The following MEI4 variants were observed in gnomAD, a reference collection of about 807,000 sequenced individuals.
MEI4 encodes meiotic double-stranded break formation protein 4.
Under a neutral mutation model 31.4 loss-of-function variants are expected in MEI4, and 27 were observed. The ratio of observed to expected loss-of-function variants is 0.86; its 90% CI spans 0.63 to 1.19. The LOEUF (loss-of-function observed/expected upper bound fraction) is 1.19, where lower values mean the gene tolerates loss of function less well. Ranked by LOEUF, MEI4 falls within the 50% of genes most tolerant of loss-of-function variation. MEI4 has a pLI of 0.00. For missense variants in MEI4, 329 were observed against 398.9 expected (o/e 0.82, Z 1.49); for synonymous variants, 122 against 145.4 (o/e 0.84, Z 1.16).
At chr6:77,860,875 A>G (rs1053395675) in intron 4 of MEI4, among the ~76,000 whole-genome samples, 1 of 151,938 alleles carries the variant, frequency 6.6e-6, no homozygotes, top group Admixed American at 6.6e-5. Flanking sequence ...CTCTTCTTCT[A>G]TTTCTTGAAC....
chr6:77,745,356 A>G (rs1270722221), intron 2 of MEI4, among the ~76,000 whole-genome samples: 1 of 152,198 alleles, frequency 6.6e-6, no homozygotes, highest in African/African-American at 2.4e-5. Flanking sequence ...ACCAACAAAG[A>G]TCAAAAGACA....
intron 4 of MEI4, among the ~76,000 whole-genome samples, chr6:77,868,502 C>CATATAT (rs58946198): frequency 0.035 from 3,171 of 90,000 alleles, 271 homozygotes; most frequent in Non-Finnish European, 0.05. Flanking sequence ...AAAAATACTA[C>CATATAT]ATATATATAT....
intron 4 of MEI4, among the ~76,000 whole-genome samples, chr6:77,902,767 G>T (rs1766211024): frequency 6.6e-6 from 1 of 152,082 alleles, no homozygotes; most frequent in African/African-American, 2.4e-5. Flanking sequence ...ATCTACCTAT[G>T]ACATGGAAAG....
intron 4 of MEI4, among the ~76,000 whole-genome samples, chr6:77,904,224 T>C (rs1211406968): frequency 6.6e-6 from 1 of 152,174 alleles, no homozygotes; most frequent in Admixed American, 6.6e-5. Context: ...TTTTGCTTTG[T>C]GGTTACCATA....
intron 4 of MEI4, among the ~76,000 whole-genome samples, chr6:77,846,111 A>G (rs1311341177): frequency 6.6e-6 from 1 of 151,344 alleles, no homozygotes; most frequent in Non-Finnish European, 1.5e-5. Flanking sequence ...ATGAATTTCA[A>G]TTTTGTTTTT....
rs80087300 is a variant in MEI4 at position 77,686,036 on chromosome 6, G to C, written c.-14-4622G>C. Among the ~76,000 whole-genome samples, 1,472 of 152,080 alleles carry C rather than the reference G, an allele frequency of 9.7e-3. 37 individuals are homozygous for C. Among genetic ancestry groups the C allele is most frequent in the African/African-American group, 0.034 (1,391 of 41,478 alleles). On this transcript the variant is annotated intron_variant, in intron 1 of 4. Transcript: ENST00000684080. ...GTGGTAACCATTTCACTTGAGATCT[G>C]GTTGTGAAAAAGAGTCTGGGACCTC...
intron 2 of MEI4, among the ~76,000 whole-genome samples, chr6:77,732,367 G>T (rs1280430151): frequency 6.6e-6 from 1 of 151,886 alleles, no homozygotes; most frequent in African/African-American, 2.4e-5. Context: ...TGGATTCCTA[G>T]GTATTTTATT....
chr6:77,924,249 TTAATGATATGTGA>T lies in MEI4; in HGVS notation c.*905_*917del, dbSNP rs1272209810. On this transcript the variant is annotated 3_prime_UTR_variant, in exon 5 of 5. Transcript: ENST00000684080. Reference sequence around the variant, plus strand: ...GAACACAAAATATAAATTTCCTTTATTAATGATATGTGATGGTGTTTCATAAGTTAATTAGCAT... The same window carrying T: ...GAACACAAAATATAAATTTCCTTTATTGGTGTTTCATAAGTTAATTAGCAT... The T allele has an allele frequency of 6.6e-6, 1 of 151,880 alleles. No individual in the cohort carries two copies. The highest frequency in any genetic ancestry group is 1.9e-4 in the East Asian group (1 of 5,170). The allele number at this position is 151,880 out of a possible 1,614,324, so 9.4% of individuals were successfully genotyped here.
At position 77,660,978 on chromosome 6, in the gene MEI4, G is replaced by A. The variant is rs563047330; in HGVS notation, c.-15+7886G>A. ...GGCAAGAGAAGATTAGCAGCCTGGC[G>A]AATTTCCTGTCTAGCCTGCTGGAGG... On this transcript the variant is annotated intron_variant, in intron 1 of 4. Coordinates refer to ENST00000684080, the MANE Select transcript of MEI4 (RefSeq NM_001322247.2). Among the ~76,000 whole-genome samples the A allele has an allele frequency of 3.9e-5, 6 of 152,286 alleles. No homozygotes were observed. In the South Asian group the frequency reaches 6.2e-4, roughly 16 times the overall value.
At chr6:77,713,379 T>G (rs952352735) in intron 2 of MEI4, among the ~76,000 whole-genome samples, 1 of 151,956 alleles carries the variant, frequency 6.6e-6, no homozygotes, top group Non-Finnish European at 1.5e-5. Flanking sequence ...TTTTTTTGTT[T>G]GTTTGTTTTA....
chr6:77,841,630 C>T (rs1406931813), intron 4 of MEI4, among the ~76,000 whole-genome samples: 4 of 151,640 alleles, frequency 2.6e-5, no homozygotes, highest in Non-Finnish European at 4.4e-5. Context: ...GTGTGAGCCA[C>T]CACACCCAAC....
At chr6:77,748,145 G>C (rs1561972781) in intron 2 of MEI4, among the ~76,000 whole-genome samples, 2 of 152,124 alleles carry the variant, frequency 1.3e-5, no homozygotes, top group Non-Finnish European at 2.9e-5. Context: ...TGGGATCTGG[G>C]GGACAGTAGC....
rs1766856442 is a variant in MEI4 at position 77,926,877 on chromosome 6, A to G, written c.*3531A>G. On this transcript the variant is annotated 3_prime_UTR_variant, in exon 5 of 5. Transcript: ENST00000684080. ...AATGTTTATCTAATATTGAAAAAATATATAGGATTTTATTATTGTTAAAAG... is the reference window on the plus strand; with the variant it reads ...AATGTTTATCTAATATTGAAAAAATGTATAGGATTTTATTATTGTTAAAAG... 1 of 151,966 alleles carries G rather than the reference A, an allele frequency of 6.6e-6. No homozygotes were observed. Among genetic ancestry groups the G allele is most frequent in the South Asian group, 2.1e-4 (1 of 4,832 alleles). 9.4% of individuals were successfully genotyped at this position (151,966 alleles called of 1,614,324 possible).
At chr6:77,789,905 A>T (rs892202224) in intron 3 of MEI4, among the ~76,000 whole-genome samples, 2 of 152,030 alleles carry the variant, frequency 1.3e-5, no homozygotes, top group African/African-American at 4.8e-5. Flanking sequence ...CCATTACTGG[A>T]TATATACCCA....
chr6:77,677,263 T>A (rs543891138), intron 1 of MEI4, among the ~76,000 whole-genome samples: 1 of 152,336 alleles, frequency 6.6e-6, no homozygotes, highest in South Asian at 2.1e-4. Context: ...GCCACCTGCA[T>A]GATTTCTCAA....
intron 3 of MEI4, among the ~76,000 whole-genome samples, chr6:77,814,249 A>T (rs1261937109): frequency 3.9e-5 from 6 of 152,116 alleles, no homozygotes; most frequent in Admixed American, 1.3e-4. Flanking sequence ...CTGGCTCTAG[A>T]TTTGGTTACT....
intron 3 of MEI4, among the ~76,000 whole-genome samples, chr6:77,786,595 G>A (rs1308168230): frequency 6.6e-6 from 1 of 152,030 alleles, no homozygotes; most frequent in Non-Finnish European, 1.5e-5. Context: ...TAAGTAATAA[G>A]GCTTAGAAGG....
At chr6:77,663,789 G>A (rs1025371859) in intron 1 of MEI4, among the ~76,000 whole-genome samples, 2 of 152,178 alleles carry the variant, frequency 1.3e-5, no homozygotes, top group Admixed American at 6.5e-5. Flanking sequence ...GGTCTAGGGG[G>A]CTTCCGAGGC....
At chr6:77,700,274 C>T (rs1489977267) in intron 2 of MEI4, among the ~76,000 whole-genome samples, 1 of 152,184 alleles carries the variant, frequency 6.6e-6, no homozygotes, top group African/African-American at 2.4e-5. Flanking sequence ...CTTTGTTTAC[C>T]TAATCAAGCC....
Sources: gnomAD v4.1 joint callset for allele counts (sites outside exome capture counted in the v4.1 genomes callset) on GRCh38, gnomAD v4.1.1 for gene constraint, MANE v1.5 for transcripts, NCBI Gene and HGNC (gene_info 2026-07-23, HGNC 2026-07-21) for gene names.